The following NBAS variants were observed in gnomAD, a reference collection of about 807,000 sequenced individuals.
NBAS encodes the protein NBAS subunit of NRZ tethering complex, also known as NAG/BC035112 fusion.
A neutral mutation model predicts 302.5 loss-of-function variants in NBAS; 219 were observed. The ratio of observed to expected loss-of-function variants is 0.72; its 90% CI spans 0.65 to 0.81. NBAS has a LOEUF of 0.81. Among genes scored for constraint, NBAS ranks in the 30% least tolerant of loss-of-function variants. NBAS has a pLI of 0.00. For synonymous variants in NBAS, 1,118 were observed against 1,021.6 expected (o/e 1.09, Z -1.80); for missense variants, 2,932 against 2,841.6 (o/e 1.03, Z -0.72).
At chr2:14,876,363 T>C in the NBAS span, among the ~76,000 whole-genome samples, 38 of 152,344 alleles carry the variant, frequency 2.5e-4, no homozygotes, top group East Asian at 6.9e-3. Flanking sequence ...GAACTCCATT[T>C]ATTCCCCAGT....
chr2:15,009,603 T>TACAC, the NBAS span, among the ~76,000 whole-genome samples: 1,209 of 130,750 alleles, frequency 9.2e-3, 12 homozygotes, highest in African/African-American at 0.021. Context: ...TGCAACATCA[T>TACAC]ACACACACAC....
intron 31 of NBAS, among the ~76,000 whole-genome samples, chr2:15,371,522 A>T (rs1342004550): frequency 2.6e-5 from 4 of 152,230 alleles, no homozygotes; most frequent in Admixed American, 2.0e-4. Flanking sequence ...AACTTACAGG[A>T]CTGTGTCAGG....
chr2:15,157,826 C>T, the NBAS span, among the ~76,000 whole-genome samples: 2,231 of 152,286 alleles, frequency 0.015, 47 homozygotes, highest in African/African-American at 0.051. Context: ...GACTAGGTGA[C>T]CCTGCGTGTG....
chr2:14,934,128 T>C, the NBAS span, among the ~76,000 whole-genome samples: 1 of 152,176 alleles, frequency 6.6e-6, no homozygotes, highest in Non-Finnish European at 1.5e-5. Context: ...CTAGATCATT[T>C]TGTATTTAAA....
At chr2:15,242,793 C>A (rs1667924686) in intron 44 of NBAS, among the ~76,000 whole-genome samples, 2 of 151,894 alleles carry the variant, frequency 1.3e-5, no homozygotes, top group African/African-American at 4.8e-5. Context: ...CTGTTCCCTG[C>A]AGCAATTAGT....
the NBAS span, among the ~76,000 whole-genome samples, chr2:14,978,684 C>T: frequency 6.6e-6 from 1 of 152,124 alleles, no homozygotes; most frequent in Non-Finnish European, 1.5e-5. Context: ...AGAGGTTGGG[C>T]AAATTTCCTG....
At chr2:15,533,679 CGTGTGTGTGTGTGTGTGTGTGTGTGT>C (rs59222907) in intron 9 of NBAS, among the ~76,000 whole-genome samples, 6 of 143,940 alleles carry the variant, frequency 4.2e-5, no homozygotes, top group East Asian at 2.2e-4. Context: ...GGGGGGTGTG[CGTGTGTGTGTGTGTGTGTGTGTGTGT>C]GTGTGTGTGT....
At chr2:15,191,651 C>T (rs1002131010) in intron 48 of NBAS, among the ~76,000 whole-genome samples, 2 of 152,142 alleles carry the variant, frequency 1.3e-5, no homozygotes. Context: ...GGTGGCACGA[C>T]TAGCAAGTGA....
At chr2:15,293,425 T>C (rs1193547843) in intron 40 of NBAS, among the ~76,000 whole-genome samples, 1 of 152,120 alleles carries the variant, frequency 6.6e-6, no homozygotes. Flanking sequence ...AAGAAACTCA[T>C]TCAAATAGAA....
the NBAS span, among the ~76,000 whole-genome samples, chr2:15,142,465 A>G: frequency 1.3e-5 from 2 of 152,238 alleles, no homozygotes; most frequent in South Asian, 4.1e-4. Flanking sequence ...CTACTGCCAC[A>G]AAGGGACAAT....
the NBAS span, among the ~76,000 whole-genome samples, chr2:15,013,206 A>C: frequency 6.6e-6 from 1 of 152,200 alleles, no homozygotes. Flanking sequence ...AGAAATGCTC[A>C]AAGGACTCTT....
chr2:14,780,010 AC>A, the NBAS span, among the ~76,000 whole-genome samples: 1 of 151,892 alleles, frequency 6.6e-6, no homozygotes, highest in Non-Finnish European at 1.5e-5. Flanking sequence ...AGTCCCTGGG[AC>A]CCCCGATCTT....
At chr2:15,184,529 G>A (rs1259329079) in intron 50 of NBAS, among the ~76,000 whole-genome samples, 2 of 151,974 alleles carry the variant, frequency 1.3e-5, no homozygotes, top group African/African-American at 4.8e-5. Flanking sequence ...CCTCGCATGT[G>A]TAGTTCACAA....
intron 51 of NBAS, among the ~76,000 whole-genome samples, chr2:15,170,210 C>T (rs1483122255): frequency 1.3e-5 from 2 of 152,294 alleles, no homozygotes; most frequent in Middle Eastern, 3.4e-3. Flanking sequence ...CGCCTGCGGC[C>T]GCTGCTGCTC....
chr2:15,064,907 A>C, the NBAS span, among the ~76,000 whole-genome samples: 1 of 152,174 alleles, frequency 6.6e-6, no homozygotes, highest in Non-Finnish European at 1.5e-5. Flanking sequence ...ACCAAGTGGG[A>C]GTTGTCCCTG....
chr2:15,449,659 A>G (rs1678914268), intron 21 of NBAS, among the ~76,000 whole-genome samples: 1 of 152,166 alleles, frequency 6.6e-6, no homozygotes, highest in Non-Finnish European at 1.5e-5. Flanking sequence ...CAGTGCCAGA[A>G]GACATGCAAA....
chr2:15,436,656 C>T (rs745580519), intron 21 of NBAS, among the ~76,000 whole-genome samples: 1 of 152,192 alleles, frequency 6.6e-6, no homozygotes, highest in Non-Finnish European at 1.5e-5. Context: ...TCAGTCAATG[C>T]GGTGTTCATT....
the NBAS span, among the ~76,000 whole-genome samples, chr2:14,848,543 G>T: frequency 2.3e-5 from 3 of 128,244 alleles, no homozygotes; most frequent in African/African-American, 7.4e-5. Context: ...TAAACAAAGC[G>T]GCCAGGAAGC....
intron 9 of NBAS, among the ~76,000 whole-genome samples, chr2:15,518,653 A>T (rs71447227): frequency 6.6e-6 from 1 of 152,214 alleles, no homozygotes; most frequent in Non-Finnish European, 1.5e-5. Context: ...GAAAAAGATT[A>T]TATTACCCAA....
Sources: gnomAD v4.1 joint callset for allele counts (sites outside exome capture counted in the v4.1 genomes callset) on GRCh38, gnomAD v4.1.1 for gene constraint, MANE v1.5 for transcripts, NCBI Gene and HGNC (gene_info 2026-07-23, HGNC 2026-07-21) for gene names.